Variants in MAP4K5 observed in about 807,000 individuals in gnomAD.
MAP4K5 encodes the protein mitogen-activated protein kinase kinase kinase kinase 5, also known as MAPK/ERK kinase kinase kinase 5.
In MAP4K5, 82 loss-of-function variants were observed where a neutral mutation model predicts 135.6. The ratio of observed to expected loss-of-function variants is 0.60; its 90% CI spans 0.51 to 0.73. MAP4K5 has a LOEUF of 0.73. MAP4K5 is among the 30% of genes least tolerant of loss of function. MAP4K5 has a pLI of 0.00. For synonymous variants in MAP4K5, 347 were observed against 335.0 expected (o/e 1.04, Z -0.39); for missense variants, 907 against 1,010.9 (o/e 0.90, Z 1.39).
chr14:50,450,681 T>C (rs2036464082), intron 14 of MAP4K5: 1 of 152,198 alleles, frequency 6.6e-6, no homozygotes, highest in Non-Finnish European at 1.5e-5. Flanking sequence ...AGAAAACAGC[T>C]AACAGAGCGC....
chr14:50,448,802 C>A lies in MAP4K5; in HGVS notation c.1046G>T (p.Arg349Ile). 6.4e-7 allele frequency: 1 copy of A among 1,566,770 alleles called. No individual in the cohort carries two copies. Among genetic ancestry groups the A allele is most frequent in the South Asian group, 1.2e-5 (1 of 85,120 alleles). ...TTCATCTCGTGCTTCTGTTTCTTTTCTCAGAGGAGGTTCAAATTGTAATTT... is the reference window on the plus strand; with the variant it reads ...TTCATCTCGTGCTTCTGTTTCTTTTATCAGAGGAGGTTCAAATTGTAATTT... ...FDKLQFEPPL[R>I]KETEARDEMG... is the part of the protein sequence containing the mutation. The change falls in exon 15 of 33, where the codon AGA becomes ATA. Residue 349 changes from arginine to isoleucine, a missense_variant. By Grantham distance (97) the Arg-to-Ile change is moderately conservative. This residue lies in a region of MAP4K5 where 690 missense variants were observed against 777.4 expected (regional missense o/e 0.89). Transcript: ENST00000682126.
At chr14:50,445,542 T>C (rs567541220) in intron 17 of MAP4K5, among the ~76,000 whole-genome samples, 2 of 152,290 alleles carry the variant, frequency 1.3e-5, no homozygotes, top group South Asian at 4.1e-4. Flanking sequence ...TTTTCTTCAA[T>C]AAGCAATAAC....
chr14:50,543,463 A>T (rs2038591521), intron 1 of MAP4K5, among the ~76,000 whole-genome samples: 1 of 152,226 alleles, frequency 6.6e-6, no homozygotes, highest in Non-Finnish European at 1.5e-5. Flanking sequence ...TCATGGGCTT[A>T]TGGAATGCCT....
intron 8 of MAP4K5, 32 bp from the exon 9 acceptor site, chr14:50,475,181 C>A: frequency 6.7e-7 from 1 of 1,498,336 alleles, no homozygotes; most frequent in East Asian, 2.3e-5. Flanking sequence ...AATTTTAGTT[C>A]TTTACAATAC....
intron 1 of MAP4K5, among the ~76,000 whole-genome samples, chr14:50,555,757 C>T (rs2038758161): frequency 6.6e-6 from 1 of 152,196 alleles, no homozygotes; most frequent in African/African-American, 2.4e-5. Flanking sequence ...GAACTGACCA[C>T]CATAGAACCA....
intron 3 of MAP4K5, among the ~76,000 whole-genome samples, chr14:50,486,646 T>TTTCTAATG (rs1486119225): frequency 4.6e-5 from 7 of 152,268 alleles, no homozygotes; most frequent in South Asian, 4.1e-4. Context: ...AAAAGCTACA[T>TTTCTAATG]TAGGCCAGGC....
intron 5 of MAP4K5, among the ~76,000 whole-genome samples, chr14:50,483,636 A>G (rs1161114882): frequency 4.0e-5 from 6 of 151,506 alleles, no homozygotes; most frequent in Admixed American, 1.3e-4. Flanking sequence ...AATTTAATTC[A>G]ACAAATATCA....
At chr14:50,540,972 G>A (rs2038553534) in intron 2 of MAP4K5, among the ~76,000 whole-genome samples, 1 of 152,176 alleles carries the variant, frequency 6.6e-6, no homozygotes, top group Non-Finnish European at 1.5e-5. Flanking sequence ...GGAGAATGTG[G>A]ATTATTAAAA....
chr14:50,441,879 AAC>A (rs1229647935), intron 21 of MAP4K5, among the ~76,000 whole-genome samples: 2 of 151,968 alleles, frequency 1.3e-5, no homozygotes, highest in African/African-American at 4.8e-5. Flanking sequence ...ATTAAGTAGA[AAC>A]ACACATTTCC....
At chr14:50,504,699 T>G (rs1449235515) in intron 3 of MAP4K5, 101 bp downstream of exon 3, 6 of 808,832 alleles carry the variant, frequency 7.4e-6, no homozygotes, top group Non-Finnish European at 1.2e-5. Context: ...GATATTCTAC[T>G]GACCTGATAG....
rs372535013 is a variant in MAP4K5 at position 50,431,323 on chromosome 14, T to C, written c.2165-2063A>G. Among the ~76,000 whole-genome samples, 33 of 152,344 alleles carry C rather than the reference T, an allele frequency of 2.2e-4. No individual in the cohort carries two copies. In the South Asian group the frequency reaches 6.2e-3, roughly 29 times the overall value. On this transcript the variant is annotated intron_variant, in intron 28 of 32. Transcript: ENST00000682126. ...AATGTGCAGGTTAGTTACATATGTA[T>C]ACATGTGCCATCTGGTGCGCTGCAC... is the stretch of plus-strand genomic sequence containing the variant.
At chr14:50,513,014 A>G (rs911132028) in intron 2 of MAP4K5, among the ~76,000 whole-genome samples, 1 of 152,144 alleles carries the variant, frequency 6.6e-6, no homozygotes, top group African/African-American at 2.4e-5. Context: ...ATACACTAAT[A>G]CTCAGACTTA....
chr14:50,444,883 TA>T (rs1300335284), intron 18 of MAP4K5, among the ~76,000 whole-genome samples, 157 bp downstream of exon 18: 1 of 152,224 alleles, frequency 6.6e-6, no homozygotes, highest in African/African-American at 2.4e-5. Context: ...AAAGAGCCTT[TA>T]CAAAGCTTTA....
intron 11 of MAP4K5, among the ~76,000 whole-genome samples, chr14:50,464,880 T>C (rs549797055): frequency 6.6e-6 from 1 of 152,290 alleles, no homozygotes; most frequent in East Asian, 1.9e-4. Context: ...GTATCGGGAC[T>C]GGCAAAGGTT....
chr14:50,461,488 C>T (rs1454073321), intron 13 of MAP4K5, among the ~76,000 whole-genome samples: 1 of 151,794 alleles, frequency 6.6e-6, no homozygotes, highest in Non-Finnish European at 1.5e-5. Flanking sequence ...AAAATGGAAT[C>T]ATAAAAGGAG....
chr14:50,496,318 C>A (rs1476035721), intron 3 of MAP4K5, among the ~76,000 whole-genome samples: 1 of 151,800 alleles, frequency 6.6e-6, no homozygotes, highest in African/African-American at 2.4e-5. Flanking sequence ...AAGAGCAAGA[C>A]TCCAACTCAA....
chr14:50,519,820 A>G (rs1013441681), intron 2 of MAP4K5, among the ~76,000 whole-genome samples: 1 of 152,206 alleles, frequency 6.6e-6, no homozygotes, highest in Non-Finnish European at 1.5e-5. Flanking sequence ...CTTTACTACT[A>G]CATTAAGAAT....
rs189731553 is a variant in MAP4K5, at chr14:50,429,592, C to T, written c.2165-332G>A. On this transcript the variant is annotated intron_variant, in intron 28 of 32. Transcript: ENST00000682126. The stretch of plus-strand genomic sequence containing the variant: ...AACATGCATGCTATACACAATGGCT[C>T]GATTTTGCTCTGCATTTTATATAGC... 5.9e-5 allele frequency among the ~76,000 whole-genome samples: 9 copies of T among 152,188 alleles called. No homozygotes were observed. In the East Asian group the frequency reaches 1.5e-3, roughly 26 times the overall value.
chr14:50,454,716 T>G (rs754975458), intron 14 of MAP4K5, among the ~76,000 whole-genome samples: 1 of 152,090 alleles, frequency 6.6e-6, no homozygotes, highest in Non-Finnish European at 1.5e-5. Context: ...TGAAGAAGCC[T>G]ATTTTGATTA....
Sources: allele counts gnomAD v4.1 joint callset (sites outside exome capture counted in the v4.1 genomes callset), GRCh38; gene constraint gnomAD v4.1.1; regional missense constraint gnomAD v4.1.1; transcripts MANE v1.5; gene names NCBI Gene and HGNC (gene_info 2026-07-23, HGNC 2026-07-21).